Variants in PLA2G6 observed in about 807,000 individuals in gnomAD.
PLA2G6 encodes phospholipase A2 group VI.
A neutral mutation model predicts 83.8 loss-of-function variants in PLA2G6; 62 were observed. The ratio of observed to expected loss-of-function variants is 0.74; its 90% CI spans 0.60 to 0.91. The LOEUF (loss-of-function observed/expected upper bound fraction) is 0.91, where lower values mean the gene tolerates loss of function less well. PLA2G6 is among the 40% of genes least tolerant of loss of function. The probability of loss-of-function intolerance (pLI) is 0.00; values close to 1 mark genes in which losing one functional copy is unlikely to be tolerated. For missense variants in PLA2G6, 944 were observed against 1,102.0 expected (o/e 0.86, Z 2.03); for synonymous variants, 417 against 449.8 (o/e 0.93, Z 0.92).
At chr22:38,114,465 G>A (rs1173423091) in intron 14 of PLA2G6, among the ~76,000 whole-genome samples, 2 of 152,202 alleles carry the variant, frequency 1.3e-5, no homozygotes, top group Admixed American at 1.3e-4. Flanking sequence ...GATTACAGGC[G>A]TGAGCCGCTG....
chr22:38,167,726 T>C (rs572244085), intron 2 of PLA2G6, among the ~76,000 whole-genome samples: 21 of 152,352 alleles, frequency 1.4e-4, no homozygotes, highest in Admixed American at 2.0e-4. Flanking sequence ...TGCCTCAGGT[T>C]CCTTGTGGAG....
At chr22:38,141,534 C>T (rs991346206) in intron 4 of PLA2G6, 1 of 152,210 alleles carries the variant, frequency 6.6e-6, no homozygotes, top group African/African-American at 2.4e-5. Context: ...GGCATCGAGG[C>T]CAATGTAAGG....
rs563202291 is a variant in PLA2G6 at position 38,152,096 on chromosome 22, T to G, written c.210-6443A>C. On this transcript the variant is annotated intron_variant, in intron 2 of 16. Coordinates refer to ENST00000332509, the MANE Select transcript of PLA2G6 (RefSeq NM_003560.4). The stretch of plus-strand genomic sequence containing the variant: ...TCCAATGTTGGAGGTGGGGGGCTAA[T>G]GGGAGGTGTTTGGGTCATAGGGGTG... Among the ~76,000 whole-genome samples the G allele has an allele frequency of 5.9e-5, 9 of 152,286 alleles. No individual in the cohort carries two copies. The East Asian group carries it at 1.4e-3, about 23-fold the overall frequency.
chr22:38,179,754 C>G (rs1189199049), intron 1 of PLA2G6, among the ~76,000 whole-genome samples: 2 of 152,044 alleles, frequency 1.3e-5, no homozygotes, highest in Admixed American at 1.3e-4. Flanking sequence ...GCCTGGGTGA[C>G]AGAGTGAGAC....
chr22:38,166,468 G>A (rs2090219997), intron 2 of PLA2G6, among the ~76,000 whole-genome samples: 1 of 152,178 alleles, frequency 6.6e-6, no homozygotes, highest in African/African-American at 2.4e-5. Context: ...GGTGACTCAT[G>A]CCTGTAATCC....
At chr22:38,115,334 A>G (rs2087124111) in intron 14 of PLA2G6, among the ~76,000 whole-genome samples, 193 bp downstream of exon 14, 1 of 152,202 alleles carries the variant, frequency 6.6e-6, no homozygotes, top group African/African-American at 2.4e-5. Flanking sequence ...GATCCCCCTT[A>G]GCACAGTGCT....
At chr22:38,116,841 A>C (rs188355803) in intron 12 of PLA2G6, among the ~76,000 whole-genome samples, 1 of 129,086 alleles carries the variant, frequency 7.7e-6, no homozygotes, top group Admixed American at 9.7e-5. Flanking sequence ...ATAAGAGTGA[A>C]ACTCCGTCTC....
At chr22:38,126,770 GTCCTCTTCAGACAAAGTGCT>G (rs1338034684) in intron 9 of PLA2G6, 1 of 401,786 alleles carries the variant, frequency 2.5e-6, no homozygotes, top group East Asian at 5.4e-5. Flanking sequence ...ACCCTTGCGT[GTCCTCTTCAGACAAAGTGCT>G]TCTTCTTGCA....
chr22:38,120,492 C>T (rs967017353), intron 12 of PLA2G6, among the ~76,000 whole-genome samples: 6 of 150,804 alleles, frequency 4.0e-5, no homozygotes, highest in Non-Finnish European at 8.8e-5. Flanking sequence ...AGGGCAGAGC[C>T]GGCAGGGCAG....
At chr22:38,145,784 A>AAAAAACAC (rs1404075901) in intron 2 of PLA2G6, 131 bp from the exon 3 acceptor site, 1 of 429,266 alleles carries the variant, frequency 2.3e-6, no homozygotes, top group Non-Finnish European at 4.2e-6. Flanking sequence ...CTCCCAAGCA[A>AAAAAACAC]ACACACACAC....
intron 2 of PLA2G6, chr22:38,148,489 T>G: frequency 1.4e-6 from 1 of 716,772 alleles, no homozygotes; most frequent in Admixed American, 2.0e-5. Flanking sequence ...CACTGATGAC[T>G]CACCAGGCTG....
At chr22:38,127,525 G>T in intron 9 of PLA2G6, 2 of 1,069,978 alleles carry the variant, frequency 1.9e-6, no homozygotes, top group Non-Finnish European at 2.6e-6. Flanking sequence ...GAGAGGTGGA[G>T]CCAGGACTAG....
intron 1 of PLA2G6, among the ~76,000 whole-genome samples, chr22:38,178,592 C>CG (rs2090726281): frequency 6.6e-6 from 1 of 151,938 alleles, no homozygotes; most frequent in Non-Finnish European, 1.5e-5. Context: ...AGGCCGGGCG[C>CG]GGTGGCTCAC....
chr22:38,120,335 G>C (rs918815769), intron 12 of PLA2G6, among the ~76,000 whole-genome samples: 3 of 152,242 alleles, frequency 2.0e-5, no homozygotes, highest in East Asian at 1.9e-4. Flanking sequence ...GTGAGAAAAT[G>C]TTTAGCCGTG....
chr22:38,113,746 C>T, intron 14 of PLA2G6, 92 bp from the exon 15 acceptor site: 1 of 1,173,668 alleles, frequency 8.5e-7, no homozygotes, highest in Non-Finnish European at 1.3e-6. Flanking sequence ...AGACTGGGCT[C>T]TGGGGCACAT....
intron 2 of PLA2G6, chr22:38,150,506 G>C (rs1430670321): frequency 1.3e-5 from 2 of 152,192 alleles, no homozygotes; most frequent in African/African-American, 4.8e-5. Flanking sequence ...GCAGATTTAA[G>C]GACTAAATAA....
intron 6 of PLA2G6, chr22:38,133,328 C>T (rs1202492843): frequency 2.2e-6 from 1 of 452,210 alleles, no homozygotes; most frequent in Non-Finnish European, 4.1e-6. Context: ...CTGAAGCACC[C>T]CGCTCCCTGC....
At chr22:38,115,214 T>C (rs539484602) in intron 14 of PLA2G6, among the ~76,000 whole-genome samples, 1 of 152,154 alleles carries the variant, frequency 6.6e-6, no homozygotes, top group African/African-American at 2.4e-5. Flanking sequence ...TCCACAGAGG[T>C]GAGCTCAAGG....
intron 2 of PLA2G6, among the ~76,000 whole-genome samples, chr22:38,157,778 G>T (rs537138526): frequency 6.6e-6 from 1 of 152,322 alleles, no homozygotes; most frequent in Admixed American, 6.5e-5. Flanking sequence ...GCTCACACCT[G>T]TAATCCCGGC....
Sources: gnomAD v4.1 joint callset for allele counts (sites outside exome capture counted in the v4.1 genomes callset) on GRCh38, gnomAD v4.1.1 for gene constraint, MANE v1.5 for transcripts, NCBI Gene and HGNC (gene_info 2026-07-23, HGNC 2026-07-21) for gene names.